Variants in IGSF10 observed in about 807,000 individuals in gnomAD.
The protein encoded by IGSF10 is immunoglobulin superfamily member 10.
In IGSF10, 126 loss-of-function variants were observed where a neutral mutation model predicts 128.2. The observed-to-expected ratio is 0.98, with a 90% CI of 0.85 to 1.14. The LOEUF is 1.14. Ranked by LOEUF, IGSF10 falls within the 50% of genes most tolerant of loss-of-function variation. The pLI is 0.00. For missense variants in IGSF10, 3,295 were observed against 3,149.8 expected, an observed-to-expected ratio of 1.05 and a Z score of -1.10; for synonymous variants, 1,185 against 1,146.2, an observed-to-expected ratio of 1.03 and a Z score of -0.68.
At chr3:151,506,952 A>G in the IGSF10 span, among the ~76,000 whole-genome samples, 1 of 152,226 alleles carries the variant, frequency 6.6e-6, no homozygotes, top group African/African-American at 2.4e-5. Flanking sequence ...TAGTTTTTAA[A>G]TAGTTGGTAA....
At chr3:151,556,067 C>T in the IGSF10 span, among the ~76,000 whole-genome samples, 1 of 152,174 alleles carries the variant, frequency 6.6e-6, no homozygotes, top group African/African-American at 2.4e-5. Context: ...CTGCAGCAGT[C>T]TGACGGAACT....
At chr3:151,504,127 G>C in the IGSF10 span, among the ~76,000 whole-genome samples, 11 of 152,132 alleles carry the variant, frequency 7.2e-5, no homozygotes, top group Non-Finnish European at 1.5e-5. Flanking sequence ...CAGGCAAGAA[G>C]AAGGGGCTTT....
chr3:151,586,798 A>G, the IGSF10 span, among the ~76,000 whole-genome samples: 1 of 152,184 alleles, frequency 6.6e-6, no homozygotes, highest in African/African-American at 2.4e-5. Context: ...CTTGTTCTTT[A>G]AAGTCAACCT....
chr3:151,555,753 T>C, the IGSF10 span, among the ~76,000 whole-genome samples: 1 of 152,182 alleles, frequency 6.6e-6, no homozygotes, highest in Non-Finnish European at 1.5e-5. Context: ...TCTGTAACAA[T>C]GTGCAGCTCT....
downstream of IGSF10, chr3:151,435,389 T>TATC (rs1284082246): frequency 4.3e-5 from 6 of 141,146 alleles, no homozygotes; most frequent in African/African-American, 1.6e-4. Context: ...GATCAATGCG[T>TATC]AGCTTTGACC....
At chr3:151,456,794 A>AT (rs1000029000) in intron 4 of IGSF10, among the ~76,000 whole-genome samples, 37 of 151,922 alleles carry the variant, frequency 2.4e-4, no homozygotes, top group African/African-American at 8.5e-4. Flanking sequence ...CTGGGTATTG[A>AT]TTTTTTTTCT....
In IGSF10 at chr3:151,449,247, T is replaced by C. The variant is rs1560179421; in HGVS notation, c.734A>G (p.Lys245Arg). The change falls in exon 6 of 8, where the codon AAA becomes AGA. Residue 245 changes from lysine (K) to arginine (R), a missense_variant. Coordinates refer to ENST00000282466, the MANE Select transcript of IGSF10 (RefSeq NM_178822.5). ...QEKPDVIKCK[K>R]DRSPSSAQQC... Reference sequence around the variant, plus strand: ...CTGAGCACTAGAGGGACTTCTATCTTTTTTGCATTTTATTACATCTGGAAA... The same window carrying C: ...CTGAGCACTAGAGGGACTTCTATCTCTTTTGCATTTTATTACATCTGGAAA... The C allele has an allele frequency of 6.3e-7, 1 of 1,575,110 alleles. No homozygotes were observed. The highest frequency in any genetic ancestry group is 2.3e-5 in the East Asian group (1 of 44,434).
rs1444682488 is a variant in IGSF10, at chr3:151,437,029, C to CTATT, written c.7528_7531dup (p.Ser2511LysfsTer2). 6.2e-7 allele frequency: 1 copy of CTATT among 1,614,200 alleles called. No homozygotes were observed. Among genetic ancestry groups the CTATT allele is most frequent in the Admixed American group, 1.7e-5 (1 of 60,018 alleles). On this transcript the variant is annotated stop_gained and frameshift_variant, in exon 8 of 8. Coordinates refer to ENST00000282466, the MANE Select transcript of IGSF10 (RefSeq NM_178822.5). LOFTEE classifies it low-confidence loss of function (END_TRUNC). ...AACAGTAATCAGTGTATGACCAACA[C>CTATT]TATTTTGAGCCTTACAGATATAGTT...
chr3:151,537,395 T>C, the IGSF10 span, among the ~76,000 whole-genome samples: 1 of 152,276 alleles, frequency 6.6e-6, no homozygotes, highest in Admixed American at 6.5e-5. Context: ...TATAGAGAAA[T>C]ATTGATGAGG....
the IGSF10 span, among the ~76,000 whole-genome samples, chr3:151,533,790 C>A: frequency 0.28 from 43,010 of 152,104 alleles, 6,928 homozygotes; most frequent in Middle Eastern, 0.41. Context: ...CAACAAAAGC[C>A]AAAATTGACA....
intron 7 of IGSF10, among the ~76,000 whole-genome samples, chr3:151,442,380 A>ATTCT (rs1720906624): frequency 8.0e-6 from 1 of 124,538 alleles, no homozygotes; most frequent in Non-Finnish European, 1.6e-5. Context: ...TACAATTACT[A>ATTCT]TTTTTTTTTT....
At chr3:151,566,902 C>G in the IGSF10 span, among the ~76,000 whole-genome samples, 1 of 152,232 alleles carries the variant, frequency 6.6e-6, no homozygotes, top group Non-Finnish European at 1.5e-5. Flanking sequence ...CTGTCAGCTC[C>G]ATGCTCACCC....
At chr3:151,507,415 A>G in the IGSF10 span, among the ~76,000 whole-genome samples, 1 of 152,188 alleles carries the variant, frequency 6.6e-6, no homozygotes, top group African/African-American at 2.4e-5. Context: ...TTAAGTAGAT[A>G]ATCTTAAAAT....
chr3:151,505,111 A>G, the IGSF10 span, among the ~76,000 whole-genome samples: 1 of 152,144 alleles, frequency 6.6e-6, no homozygotes, highest in African/African-American at 2.4e-5. Context: ...TGTGGTACCA[A>G]TTTACTTTAT....
chr3:151,609,677 T>A, the IGSF10 span, among the ~76,000 whole-genome samples: 1 of 152,194 alleles, frequency 6.6e-6, no homozygotes, highest in South Asian at 2.1e-4. Flanking sequence ...ACTGAAATCA[T>A]GTTCTTTGCA....
chr3:151,572,493 C>G, the IGSF10 span, among the ~76,000 whole-genome samples: 1 of 152,106 alleles, frequency 6.6e-6, no homozygotes, highest in Non-Finnish European at 1.5e-5. Context: ...TCTTGATTTT[C>G]TAGTTTATTT....
intron 4 of IGSF10, among the ~76,000 whole-genome samples, chr3:151,454,391 T>C (rs1369893129): frequency 6.6e-6 from 1 of 152,184 alleles, no homozygotes; most frequent in Admixed American, 6.5e-5. Context: ...AATTTTGAGA[T>C]ATATAGAAGT....
chr3:151,439,334 T>TG (rs1260922359), intron 7 of IGSF10, among the ~76,000 whole-genome samples: 4 of 152,248 alleles, frequency 2.6e-5, no homozygotes, highest in African/African-American at 9.6e-5. Flanking sequence ...CTACTTTGGC[T>TG]GGGCACAGTG....
the IGSF10 span, among the ~76,000 whole-genome samples, chr3:151,608,446 A>C: frequency 1.3e-5 from 2 of 152,234 alleles, no homozygotes; most frequent in African/African-American, 2.4e-5. Context: ...TTGGACGTTC[A>C]GGTTTCATTG....
Sources: gnomAD v4.1 joint callset for allele counts (sites outside exome capture counted in the v4.1 genomes callset) on GRCh38, gnomAD v4.1.1 for gene constraint, MANE v1.5 for transcripts, NCBI Gene and HGNC (gene_info 2026-07-23, HGNC 2026-07-21) for gene names.